The following EZH2 variants were observed in gnomAD, a reference collection of about 807,000 sequenced individuals.
EZH2 encodes histone-lysine N-methyltransferase EZH2.
A neutral mutation model predicts 98.4 loss-of-function variants in EZH2; 18 were observed. The ratio of observed to expected loss-of-function variants is 0.18; its 90% CI spans 0.13 to 0.27. The LOEUF is 0.27. Among genes scored for constraint, EZH2 ranks in the 10% least tolerant of loss-of-function variants. The probability of loss-of-function intolerance (pLI) is 1.00; values close to 1 mark genes in which losing one functional copy is unlikely to be tolerated. For missense variants in EZH2, 470 were observed against 935.1 expected (o/e 0.50, Z 6.49); for synonymous variants, 338 against 312.3 (o/e 1.08, Z -0.87).
chr7:148,865,287 A>C (rs1818287128), intron 1 of EZH2, among the ~76,000 whole-genome samples: 1 of 152,218 alleles, frequency 6.6e-6, no homozygotes, highest in Admixed American at 6.5e-5. Context: ...CTTTTTGCTA[A>C]GAAGTCTATT....
chr7:148,822,819 G>A (rs973410703), intron 8 of EZH2, among the ~76,000 whole-genome samples: 5 of 152,022 alleles, frequency 3.3e-5, no homozygotes, highest in African/African-American at 9.7e-5. Flanking sequence ...GTGCGCGCCT[G>A]TAATCCCAGC....
Position 148,815,015 on chromosome 7 carries a change from T to G in EZH2, c.1571A>C (p.Asn524Thr). The change falls in exon 14 of 20, where the codon AAC (asparagine) becomes ACC (threonine). Residue 524 changes from asparagine to threonine, a missense_variant. Asn to Thr is a moderately conservative substitution (Grantham distance 65, BLOSUM62 0). Around this residue, in one of 6 missense-constraint regions of EZH2, gnomAD observed 106 missense variants for 327.2 expected, o/e 0.32. Coordinates refer to ENST00000320356, the MANE Select transcript of EZH2 (RefSeq NM_004456.5). ...CCGTGGATGATCACAGGGTTGATAG[T>G]TGTAAACATGGTTAGAGGAGCCGTC... is the stretch of plus-strand genomic sequence containing the variant. The part of the protein sequence containing the change: ...KKDGSSNHVY[N>T]YQPCDHPRQP... The G allele has an allele frequency of 6.2e-7, 1 of 1,614,062 alleles. No individual in the cohort carries two copies. Among genetic ancestry groups the G allele is most frequent in the Non-Finnish European group, 8.5e-7 (1 of 1,179,966 alleles).
intron 1 of EZH2, among the ~76,000 whole-genome samples, chr7:148,855,441 G>A (rs1254986446): frequency 6.6e-6 from 1 of 152,202 alleles, no homozygotes; most frequent in East Asian, 1.9e-4. Flanking sequence ...CTTAGCAGCT[G>A]GGTGTGAAGT....
At chr7:148,823,961 G>T (rs1230284789) in intron 8 of EZH2, among the ~76,000 whole-genome samples, 1 of 152,026 alleles carries the variant, frequency 6.6e-6, no homozygotes, top group African/African-American at 2.4e-5. Flanking sequence ...CTCTGTAAAG[G>T]AAGTACTACC....
intron 15 of EZH2, among the ~76,000 whole-genome samples, chr7:148,813,005 T>C (rs1039590777): frequency 2.6e-5 from 4 of 151,858 alleles, no homozygotes; most frequent in Admixed American, 1.3e-4. Context: ...TTCTCAATTA[T>C]AAATAAATGG....
chr7:148,858,864 G>C (rs1406132570), intron 1 of EZH2, among the ~76,000 whole-genome samples: 3 of 152,098 alleles, frequency 2.0e-5, no homozygotes, highest in Non-Finnish European at 4.4e-5. Context: ...GCACTTTTAG[G>C]CTTCTACAGA....
At chr7:148,822,134 T>G (rs1806291895) in intron 8 of EZH2, among the ~76,000 whole-genome samples, 1 of 151,472 alleles carries the variant, frequency 6.6e-6, no homozygotes, top group Non-Finnish European at 1.5e-5. Flanking sequence ...AAATGAAGCC[T>G]AAAACATACT....
intron 12 of EZH2, 26 bp from the exon 13 acceptor site, chr7:148,815,572 C>G (rs776901295): frequency 6.2e-7 from 1 of 1,611,114 alleles, no homozygotes; most frequent in Admixed American, 1.7e-5. Flanking sequence ...GAAAATTAAA[C>G]CAAATTTCTG....
intron 8 of EZH2, among the ~76,000 whole-genome samples, chr7:148,821,517 GACAA>G (rs1238736672): frequency 6.6e-6 from 1 of 152,126 alleles, no homozygotes; most frequent in Non-Finnish European, 1.5e-5. Context: ...AAAAGAACTA[GACAA>G]ACAGATTTTG....
intron 1 of EZH2, chr7:148,883,545 G>A (rs1821330938): frequency 6.7e-6 from 1 of 150,076 alleles, no homozygotes. Flanking sequence ...GGGTCGGCGC[G>A]CCCGGGACCG....
At chr7:148,875,404 G>T (rs891708754) in intron 1 of EZH2, among the ~76,000 whole-genome samples, 4 of 152,028 alleles carry the variant, frequency 2.6e-5, no homozygotes, top group Non-Finnish European at 5.9e-5. Flanking sequence ...AACATATAAA[G>T]ACCTCTTGCC....
At chr7:148,842,719 A>G (rs1370739743) in intron 3 of EZH2, among the ~76,000 whole-genome samples, 1 of 152,068 alleles carries the variant, frequency 6.6e-6, no homozygotes, top group Non-Finnish European at 1.5e-5. Flanking sequence ...AATAATGCTT[A>G]GGTTCTATAA....
chr7:148,826,333 A>T, intron 8 of EZH2, 121 bp downstream of exon 8: 1 of 747,340 alleles, frequency 1.3e-6, no homozygotes, highest in African/African-American at 1.8e-5. Flanking sequence ...ACTGAGATCT[A>T]AAGATATTTG....
At chr7:148,817,197 A>T (rs756219976) in intron 11 of EZH2, 25 bp downstream of exon 11, 1 of 1,598,290 alleles carries the variant, frequency 6.3e-7, no homozygotes, top group African/African-American at 1.3e-5. Flanking sequence ...AGCTCTTTTA[A>T]CAACATTTTT....
chr7:148,829,950 G>T, intron 4 of EZH2, 102 bp from the exon 5 acceptor site: 1 of 790,844 alleles, frequency 1.3e-6, no homozygotes, highest in Non-Finnish European at 1.8e-6. Flanking sequence ...TCTTTACCCA[G>T]TTCTCCAGAT....
chr7:148,819,381 AAC>A (rs1432474763), intron 9 of EZH2, among the ~76,000 whole-genome samples: 2 of 152,238 alleles, frequency 1.3e-5, no homozygotes, highest in Non-Finnish European at 2.9e-5. Flanking sequence ...CTGAAGAGAT[AAC>A]ACAGATTTTA....
intron 1 of EZH2, among the ~76,000 whole-genome samples, chr7:148,866,452 A>T (rs1454322556): frequency 6.6e-6 from 1 of 151,010 alleles, no homozygotes; most frequent in Non-Finnish European, 1.5e-5. Context: ...AGATGCAGGT[A>T]CCTTGATCTT....
intron 3 of EZH2, among the ~76,000 whole-genome samples, chr7:148,835,698 T>C (rs1271519771): frequency 1.3e-5 from 2 of 152,206 alleles, no homozygotes; most frequent in Non-Finnish European, 2.9e-5. Context: ...AAATTAATTC[T>C]GTGGCTTCTG....
chr7:148,808,957 A>G (rs1802303842), intron 19 of EZH2, 114 bp downstream of exon 19: 1 of 754,734 alleles, frequency 1.3e-6, no homozygotes, highest in African/African-American at 1.8e-5. Context: ...ACTAATGCTC[A>G]TGGCAAAGTG....
Sources: gnomAD v4.1 joint callset for allele counts (sites outside exome capture counted in the v4.1 genomes callset) on GRCh38, gnomAD v4.1.1 for gene constraint, gnomAD v4.1.1 regional missense constraint, MANE v1.5 for transcripts, NCBI Gene and HGNC (gene_info 2026-07-23, HGNC 2026-07-21) for gene names.